The following PEF1 variants were observed in gnomAD, a reference collection of about 807,000 sequenced individuals.
The protein encoded by PEF1 is penta-EF-hand domain containing 1, also known as peflin.
PEF1 carries 17 observed loss-of-function variants against 32.0 expected under a neutral mutation model. The ratio of observed to expected loss-of-function variants is 0.53; its 90% CI spans 0.36 to 0.80. The LOEUF is 0.80. Among genes scored for constraint, PEF1 ranks in the 30% least tolerant of loss-of-function variants. The pLI, the probability that PEF1 is intolerant of heterozygous loss-of-function variation, is 0.00. For synonymous variants in PEF1, 130 were observed against 139.8 expected (o/e 0.93, Z 0.50); for missense variants, 362 against 369.1 (o/e 0.98, Z 0.16).
chr1:31,636,797 C>G (rs1020038122), intron 1 of PEF1, among the ~76,000 whole-genome samples: 2 of 152,172 alleles, frequency 1.3e-5, no homozygotes, highest in Non-Finnish European at 2.9e-5. Flanking sequence ...TCTCTTGGCT[C>G]TATGTCCAGG....
Position 31,635,454 on chromosome 1 carries a change from A to T in PEF1, c.93T>A (p.Asn31Lys). 6.3e-7 allele frequency: 1 copy of T among 1,596,048 alleles called. No homozygotes were observed. Among genetic ancestry groups the T allele is most frequent in the Non-Finnish European group, 8.6e-7 (1 of 1,169,216 alleles). The change falls in exon 2 of 5, where the codon AAT becomes AAA. Residue 31 changes from asparagine to lysine, a missense_variant. By Grantham distance (94) the Asn-to-Lys change is moderately conservative (BLOSUM62 0). Coordinates refer to ENST00000373703, the MANE Select transcript of PEF1 (RefSeq NM_012392.4). ...GCCCACTACCATACTGCCCTCCACT[A>T]TTGGGGGGTCCAGGGTAGTAGCTAC... ...PPGSYYPGPP[N>K]SGGQYGSGLP...
At position 31,636,337 on chromosome 1, in the gene PEF1, G is replaced by A. The variant is rs796159065; in HGVS notation, c.25-815C>T. 2.0e-5 allele frequency among the ~76,000 whole-genome samples: 3 copies of A among 152,136 alleles called. No homozygotes were observed. The East Asian group carries it at 5.8e-4, about 29-fold the overall frequency. Reference sequence around the variant, plus strand: ...TAAAAAATACAAAAATTAGCCAGGTGTGGTGGCGCACACCTATAGTCCCAA... The same window carrying A: ...TAAAAAATACAAAAATTAGCCAGGTATGGTGGCGCACACCTATAGTCCCAA... On this transcript the variant is annotated intron_variant, in intron 1 of 4. Transcript: ENST00000373703.
chr1:31,637,621 T>A (rs1461385656), intron 1 of PEF1, among the ~76,000 whole-genome samples: 1 of 103,774 alleles, frequency 9.6e-6, no homozygotes, highest in Admixed American at 1.5e-4. Flanking sequence ...CCAGCCTGAG[T>A]AACAGAGGGA....
At chr1:31,639,681 G>A (rs760423307) in intron 1 of PEF1, among the ~76,000 whole-genome samples, 3 of 152,246 alleles carry the variant, frequency 2.0e-5, no homozygotes, top group South Asian at 2.1e-4. Flanking sequence ...TGGGGATGAA[G>A]AGAACGGAAT....
chr1:31,637,463 A>G (rs1424876192), intron 1 of PEF1, among the ~76,000 whole-genome samples: 1 of 152,132 alleles, frequency 6.6e-6, no homozygotes, highest in African/African-American at 2.4e-5. Flanking sequence ...TGGGCAACAT[A>G]GTAAGATCCC....
chr1:31,640,110 C>T (rs1640358043), intron 1 of PEF1, among the ~76,000 whole-genome samples: 1 of 152,144 alleles, frequency 6.6e-6, no homozygotes, highest in Non-Finnish European at 1.5e-5. Flanking sequence ...TGAAGCAACA[C>T]AGAAAAACTA....
In PEF1 at chr1:31,635,351, G is replaced by A; in HGVS notation, c.196C>T (p.His66Tyr). 2.5e-6 allele frequency: 4 copies of A among 1,613,956 alleles called. No homozygotes were observed. The highest frequency in any genetic ancestry group is 3.4e-6 in the Non-Finnish European group (4 of 1,179,946). The change falls in exon 2 of 5, where the codon CAC becomes TAC. Residue 66 changes from histidine to tyrosine, a missense_variant. His to Tyr is a moderately conservative substitution (Grantham distance 83). Transcript: ENST00000373703. ...GAGGGGAACATCCCAGGATTGGGGT[G>A]TCCATAGGGCCCTCCACCAGCTGGT... ...GPPAGGGPYG[H>Y]PNPGMFPSGT...
chr1:31,633,969 CAAAAAAACCCA>C (rs1640188349), intron 2 of PEF1, among the ~76,000 whole-genome samples: 1 of 148,750 alleles, frequency 6.7e-6, no homozygotes, highest in Admixed American at 6.7e-5. Flanking sequence ...AAAAAAAAAA[CAAAAAAACCCA>C]AAAAAAACAG....
rs748072690 is a variant in PEF1, at chr1:31,635,254, T to C, written c.293A>G (p.Tyr98Cys). The change falls in exon 2 of 5, where the codon TAC (tyrosine) becomes TGC (cysteine). Residue 98 changes from tyrosine (Y) to cysteine (C), a missense_variant. Physicochemically the swap from Tyr to Cys is radical, Grantham distance 194. Coordinates refer to ENST00000373703, the MANE Select transcript of PEF1 (RefSeq NM_012392.4). The part of the protein sequence containing the change: ...GPYGQPPPSS[Y>C]GAQQPGLYGQ... ...ATAAAGCCCAGGCTGCTGGGCACCG[T>C]AGGAACTTGGAGGTGGCTGACCATA... The C allele has an allele frequency of 1.9e-6, 3 of 1,614,098 alleles. No individual in the cohort carries two copies. Among genetic ancestry groups the C allele is most frequent in the Admixed American group, 1.7e-5 (1 of 60,026 alleles).
chr1:31,644,669 G>C (rs1438902061), intron 1 of PEF1, 172 bp downstream of exon 1: 4 of 1,463,722 alleles, frequency 2.7e-6, no homozygotes, highest in Non-Finnish European at 3.6e-6. Flanking sequence ...CCTTCATGAC[G>C]TGAGCAGGGC....
chr1:31,642,290 C>T (rs1332678372), intron 1 of PEF1, among the ~76,000 whole-genome samples: 1 of 152,166 alleles, frequency 6.6e-6, no homozygotes, highest in African/African-American at 2.4e-5. Flanking sequence ...GAGTCTCAGA[C>T]TTTTGCAACA....
chr1:31,644,458 C>T, intron 1 of PEF1: 2 of 1,146,400 alleles, frequency 1.7e-6, no homozygotes, highest in South Asian at 5.5e-5. Context: ...GGATTTTTAT[C>T]CGACGCCCCA....
At chr1:31,642,899 G>C (rs1640438585) in intron 1 of PEF1, among the ~76,000 whole-genome samples, 1 of 152,172 alleles carries the variant, frequency 6.6e-6, no homozygotes, top group Non-Finnish European at 1.5e-5. Flanking sequence ...GTTTGTCCAG[G>C]GGTATATAAC....
At chr1:31,638,833 G>T (rs754277158) in intron 1 of PEF1, among the ~76,000 whole-genome samples, 1 of 152,214 alleles carries the variant, frequency 6.6e-6, no homozygotes, top group Non-Finnish European at 1.5e-5. Context: ...GCTGTTAAAG[G>T]ACTTCATTCA....
chr1:31,632,175 C>G, intron 4 of PEF1: 1 of 577,674 alleles, frequency 1.7e-6, no homozygotes, highest in South Asian at 2.1e-5. Flanking sequence ...AAGGAGTCAC[C>G]CAAGCCACAC....
At chr1:31,634,537 C>G (rs925456523) in intron 2 of PEF1, among the ~76,000 whole-genome samples, 15 of 152,166 alleles carry the variant, frequency 9.9e-5, no homozygotes, top group Non-Finnish European at 1.9e-4. Context: ...GATATTTAAA[C>G]TGAGTTTCTC....
intron 3 of PEF1, 33 bp downstream of exon 3, chr1:31,633,126 C>T (rs1312155582): frequency 8.8e-6 from 14 of 1,594,348 alleles, no homozygotes; most frequent in Non-Finnish European, 1.1e-5. Context: ...GGCTCTGCCC[C>T]AGCTCAGGCC....
intron 1 of PEF1, among the ~76,000 whole-genome samples, chr1:31,637,141 T>G (rs1640272431): frequency 7.0e-6 from 1 of 143,462 alleles, no homozygotes; most frequent in Non-Finnish European, 1.6e-5. Flanking sequence ...GAGGTTTTTT[T>G]GTGGGGAGGG....
Position 31,630,772 on chromosome 1 carries a change from G to A in PEF1, c.696C>T (p.Arg232=), listed in dbSNP as rs901516625. The part of the protein sequence containing the change: ...TQLLVSRYCP[R]SANPAMQLDR... Reference sequence around the variant, plus strand: ...CAAGCTGCATGGCAGGATTGGCAGAGCGTGGGCAGTAGCGGGAGACCAGAA... The same window carrying A: ...CAAGCTGCATGGCAGGATTGGCAGAACGTGGGCAGTAGCGGGAGACCAGAA... Residue 232 remains arginine (R), a synonymous_variant, in exon 5 of 5, where the codon CGC becomes CGT. Transcript: ENST00000373703. 3 of 1,613,938 alleles carry A rather than the reference G, an allele frequency of 1.9e-6. No individual in the cohort carries two copies. In the African/African-American group the frequency reaches 4.0e-5, roughly 22 times the overall value.
Sources: allele counts gnomAD v4.1 joint callset (sites outside exome capture counted in the v4.1 genomes callset), GRCh38; gene constraint gnomAD v4.1.1; transcripts MANE v1.5; gene names NCBI Gene and HGNC (gene_info 2026-07-23, HGNC 2026-07-21).